Variants in ABLIM2 observed in about 807,000 individuals in gnomAD.
The protein encoded by ABLIM2 is actin-binding LIM protein 2.
In ABLIM2, 53 loss-of-function variants were observed where a neutral mutation model predicts 97.7. The observed-to-expected ratio is 0.54, with a 90% CI of 0.44 to 0.68. The LOEUF (loss-of-function observed/expected upper bound fraction) is 0.68, where lower values mean the gene tolerates loss of function less well. ABLIM2 is among the 30% of genes least tolerant of loss of function. The pLI, the probability that ABLIM2 is intolerant of heterozygous loss-of-function variation, is 0.00. For synonymous variants in ABLIM2, 361 were observed against 345.8 expected, an observed-to-expected ratio of 1.04 and a Z score of -0.49; for missense variants, 835 against 867.2, an observed-to-expected ratio of 0.96 and a Z score of 0.47.
chr4:8,000,460 C>T (rs552150500), intron 16 of ABLIM2, among the ~76,000 whole-genome samples: 3 of 152,126 alleles, frequency 2.0e-5, no homozygotes, highest in South Asian at 2.1e-4. Flanking sequence ...CAGCAAGGGA[C>T]GGGCTGAGAT....
In ABLIM2 at chr4:8,085,918, C is replaced by A. The variant is rs994159482; in HGVS notation, c.454+2251G>T. Among the ~76,000 whole-genome samples the A allele has an allele frequency of 1.5e-5, 2 of 132,112 alleles. No individual in the cohort carries two copies. The highest frequency in any genetic ancestry group is 2.9e-5 in the African/African-American group (1 of 33,940). The allele number at this position is 132,112 out of a possible 152,430, so 86.7% of individuals were successfully genotyped here. On this transcript the variant is annotated intron_variant, in intron 4 of 20. Coordinates refer to ENST00000447017, the MANE Select transcript of ABLIM2 (RefSeq NM_001130083.2). This position sits in a 1 kb window ranked among gnomAD's most constrained non-coding sequence, Gnocchi z 6.1. Reference sequence around the variant, plus strand: ...GGAGTTGAAAGGCCTTGGCCCACCCCTCGGCACTTCCGCCCCCTGATGGAC... The same window carrying A: ...GGAGTTGAAAGGCCTTGGCCCACCCATCGGCACTTCCGCCCCCTGATGGAC...
Position 8,002,909 on chromosome 4 carries a change from C to T in ABLIM2, c.1618+5150G>A, listed in dbSNP as rs897819206. Among the ~76,000 whole-genome samples, 1 of 152,244 alleles carries T rather than the reference C, an allele frequency of 6.6e-6. No homozygotes were observed. Among genetic ancestry groups the T allele is most frequent in the Non-Finnish European group, 1.5e-5 (1 of 68,044 alleles). Reference sequence around the variant, plus strand: ...AGGTACCGTCTCTCTGCACTGACTACTTACTGTATTTGAAAGTGCACCCTT... The same window carrying T: ...AGGTACCGTCTCTCTGCACTGACTATTTACTGTATTTGAAAGTGCACCCTT... On this transcript the variant is annotated intron_variant, in intron 16 of 20. Transcript: ENST00000447017. The surrounding 1 kb of genome is among the most constrained non-coding windows in gnomAD (Gnocchi z 6.1).
rs186544391 is a variant in ABLIM2, at chr4:8,057,856, C to T, written c.763+3111G>A. Among the ~76,000 whole-genome samples the T allele has an allele frequency of 3.2e-4, 49 of 152,294 alleles. No individual in the cohort carries two copies. In the East Asian group the frequency reaches 6.0e-3, roughly 19 times the overall value. ...CAGCCAAATAACATCTGCATGGAGC[C>T]CCGACATCCCTGGAGGCCACACAGA... On this transcript the variant is annotated intron_variant, in intron 7 of 20. Coordinates refer to ENST00000447017, the MANE Select transcript of ABLIM2 (RefSeq NM_001130083.2).
intron 2 of ABLIM2, among the ~76,000 whole-genome samples, chr4:8,102,684 G>A (rs550328993): frequency 1.2e-4 from 19 of 152,340 alleles, no homozygotes; most frequent in African/African-American, 3.8e-4. Flanking sequence ...TGATTTCACA[G>A]ATTTTCCCAG....
chr4:8,106,934 C>T (rs914842648), intron 1 of ABLIM2, among the ~76,000 whole-genome samples: 2 of 152,214 alleles, frequency 1.3e-5, no homozygotes, highest in Admixed American at 6.5e-5. Context: ...CATCCACATG[C>T]ACAACTGCGG....
chr4:8,145,960 G>A (rs1376765932), intron 1 of ABLIM2, among the ~76,000 whole-genome samples: 5 of 152,264 alleles, frequency 3.3e-5, no homozygotes, highest in African/African-American at 1.2e-4. Flanking sequence ...GAGCAAACCC[G>A]CCACTAGCAT....
rs900318222 is a variant in ABLIM2, at chr4:7,970,544, A to G, written c.1825-3441T>C. Among the ~76,000 whole-genome samples, 2 of 151,816 alleles carry G rather than the reference A, an allele frequency of 1.3e-5. No homozygotes were observed. Among genetic ancestry groups the G allele is most frequent in the Non-Finnish European group, 2.9e-5 (2 of 67,930 alleles). On this transcript the variant is annotated intron_variant, in intron 20 of 20. Coordinates refer to ENST00000447017, the MANE Select transcript of ABLIM2 (RefSeq NM_001130083.2). The surrounding 1 kb of genome is among the most constrained non-coding windows in gnomAD (Gnocchi z 5.3). ...GAAGGAGAGAAGGGCAGGCTTGAGG[A>G]TGACACCATGTGCTCCAGGCTGTGG...
chr4:8,115,757 C>T (rs539143475), intron 1 of ABLIM2, among the ~76,000 whole-genome samples: 3 of 152,340 alleles, frequency 2.0e-5, no homozygotes, highest in Admixed American at 6.5e-5. Flanking sequence ...TAAAGCCCCT[C>T]ACCTTGAACC....
chr4:8,102,527 T>C (rs1361375070), intron 2 of ABLIM2, among the ~76,000 whole-genome samples: 1 of 152,242 alleles, frequency 6.6e-6, no homozygotes, highest in Non-Finnish European at 1.5e-5. Flanking sequence ...TGGCACATAG[T>C]AGGTGCTCAA....
At chr4:7,988,426 G>C (rs1272992119) in intron 17 of ABLIM2, among the ~76,000 whole-genome samples, 1 of 152,238 alleles carries the variant, frequency 6.6e-6, no homozygotes, top group Non-Finnish European at 1.5e-5. Flanking sequence ...ATGAGCCTTA[G>C]AGAGATTAAA....
chr4:8,023,521 AT>A lies in ABLIM2; in HGVS notation c.1268-3219del, dbSNP rs1273069037. 1.2e-4 allele frequency among the ~76,000 whole-genome samples: 19 copies of A among 152,312 alleles called. No homozygotes were observed. The highest frequency in any genetic ancestry group is 4.6e-4 in the African/African-American group (19 of 41,572). On this transcript the variant is annotated intron_variant, in intron 12 of 20. Transcript: ENST00000447017. The surrounding 1 kb of genome is among the most constrained non-coding windows in gnomAD (Gnocchi z 5.7). ...AGGGCACCTGCTGTCAGCAGAGCGG[AT>A]CACTGGCCGTGGCGGCCTTGCTGAC...
At chr4:7,983,459 T>C (rs1052551908) in intron 19 of ABLIM2, 88 bp downstream of exon 19, 4 of 1,590,578 alleles carry the variant, frequency 2.5e-6, no homozygotes, top group Non-Finnish European at 2.6e-6. Context: ...GACACACACA[T>C]TTCATAGGTA....
rs992308902 is a variant in ABLIM2, at chr4:8,127,270, C to T, written c.11-20633G>A. 2.0e-5 allele frequency among the ~76,000 whole-genome samples: 3 copies of T among 152,190 alleles called. No homozygotes were observed. The highest frequency in any genetic ancestry group is 4.4e-5 in the Non-Finnish European group (3 of 68,026). Reference sequence around the variant, plus strand: ...CGTGTGAGGTTGGATCAGACTCTTCCCGTCCCCAGCCTTAGCTGACCTGTA... The same window carrying T: ...CGTGTGAGGTTGGATCAGACTCTTCTCGTCCCCAGCCTTAGCTGACCTGTA... On this transcript the variant is annotated intron_variant, in intron 1 of 20. Transcript: ENST00000447017. The surrounding 1 kb of genome is among the most constrained non-coding windows in gnomAD (Gnocchi z 7.3).
rs1266536664 is a variant in ABLIM2 at position 8,147,623 on chromosome 4, G to A, written c.10+11057C>T. Among the ~76,000 whole-genome samples, 3 of 152,170 alleles carry A rather than the reference G, an allele frequency of 2.0e-5. No individual in the cohort carries two copies. Among genetic ancestry groups the A allele is most frequent in the African/African-American group, 4.8e-5 (2 of 41,446 alleles). ...GAGCTGAGGGAGGTTTGAAGACTCT[G>A]CCTTGAAGATTGGAGCAACGTGGCC... On this transcript the variant is annotated intron_variant, in intron 1 of 20. Transcript: ENST00000447017. The surrounding 1 kb of genome is among the most constrained non-coding windows in gnomAD (Gnocchi z 5.3).
intron 3 of ABLIM2, among the ~76,000 whole-genome samples, chr4:8,093,194 G>C (rs904642978): frequency 6.6e-6 from 1 of 152,168 alleles, no homozygotes; most frequent in Non-Finnish European, 1.5e-5. Flanking sequence ...TTATTATTGA[G>C]TTGTGAATAA....
At chr4:8,026,822 C>T (rs1777704691) in intron 12 of ABLIM2, among the ~76,000 whole-genome samples, 3 of 152,072 alleles carry the variant, frequency 2.0e-5, no homozygotes, top group Admixed American at 2.0e-4. Context: ...GGCTTGCAGA[C>T]ATCGCTGTGT....
intron 13 of ABLIM2, 106 bp downstream of exon 13, chr4:8,020,084 AGCCTGGAGTGTC>A: frequency 1.2e-6 from 1 of 858,850 alleles, no homozygotes; most frequent in Middle Eastern, 3.6e-4. Flanking sequence ...GCAGTGGAGG[AGCCTGGAGTGTC>A]GTCTGGCGCC....
In ABLIM2 at chr4:8,033,261, T is replaced by A. The variant is rs548329084; in HGVS notation, c.1047+2888A>T. ...GGGCCCAGAAAGAGCACAGCCCTTG[T>A]GAGGTGAGCAAGCATTGGGAAAGAG... On this transcript the variant is annotated intron_variant, in intron 10 of 20. Coordinates refer to ENST00000447017, the MANE Select transcript of ABLIM2 (RefSeq NM_001130083.2). This position sits in a 1 kb window ranked among gnomAD's most constrained non-coding sequence, Gnocchi z 4.5. 6.6e-6 allele frequency among the ~76,000 whole-genome samples: 1 copy of A among 152,144 alleles called. No individual in the cohort carries two copies. The highest frequency in any genetic ancestry group is 1.9e-4 in the East Asian group (1 of 5,168).
At chr4:8,097,041 GA>G in intron 3 of ABLIM2, 57 bp downstream of exon 3, 1 of 1,527,766 alleles carries the variant, frequency 6.5e-7, no homozygotes, top group Non-Finnish European at 8.8e-7. Flanking sequence ...GGGAGGGAGG[GA>G]AGGAGAAAAG....
Sources: gnomAD v4.1 joint callset for allele counts (sites outside exome capture counted in the v4.1 genomes callset) on GRCh38, gnomAD v4.1.1 for gene constraint, Gnocchi (gnomAD v3.1) non-coding constraint, MANE v1.5 for transcripts, NCBI Gene and HGNC (gene_info 2026-07-23, HGNC 2026-07-21) for gene names.